C4orf51: variants seen among roughly 807,000 people sequenced by gnomAD.
C4orf51 encodes chromosome 4 open reading frame 51.
C4orf51 carries 25 observed loss-of-function variants against 25.2 expected under a neutral mutation model. The observed-to-expected ratio is 0.99, with a 90% CI of 0.72 to 1.39. The LOEUF (loss-of-function observed/expected upper bound fraction) is 1.39. Among genes scored for constraint, C4orf51 ranks in the 40% most tolerant of loss-of-function variants. C4orf51 has a pLI of 0.00. For synonymous variants in C4orf51, 100 were observed against 84.5 expected, an observed-to-expected ratio of 1.18 and a Z score of -1.01; for missense variants, 252 against 239.6, an observed-to-expected ratio of 1.05 and a Z score of -0.34.
Position 145,748,277 on chromosome 4 carries a change from C to CT in C4orf51, n.168-5923dup, listed in dbSNP as rs532706110. On this transcript the variant is annotated intron_variant and non_coding_transcript_variant, in intron 1 of 1. Transcript: ENST00000508981. ...GCTTTTATTTATTTGGATCACCTCT[C>CT]TTTTTTTCTTAGCTAGTCTGGTTAA... Among the ~76,000 whole-genome samples the CT allele has an allele frequency of 2.0e-5, 3 of 152,076 alleles. No homozygotes were observed. In the South Asian group the frequency reaches 6.2e-4, roughly 32 times the overall value.
intron 3 of C4orf51, among the ~76,000 whole-genome samples, chr4:145,728,042 A>G (rs1732204122): frequency 2.4e-5 from 3 of 126,142 alleles, no homozygotes; most frequent in Non-Finnish European, 3.2e-5. Context: ...TATATAATAT[A>G]TATATACACA....
At chr4:145,764,904 C>T in intron 1 of C4orf51, 1 of 1,599,190 alleles carries the variant, frequency 6.3e-7, no homozygotes, top group Non-Finnish European at 8.6e-7. Flanking sequence ...ACTCCCAAAA[C>T]CTTCACGGGA....
rs764471956 is a variant in C4orf51, at chr4:145,765,751, C to G, written n.167-5237C>G. 1.9e-6 allele frequency: 3 copies of G among 1,610,810 alleles called. No homozygotes were observed. The East Asian group carries it at 6.7e-5, about 36-fold the overall frequency. On this transcript the variant is annotated intron_variant and non_coding_transcript_variant, in intron 1 of 1. Coordinates refer to the C4orf51 transcript ENST00000510096. This position sits in a 1 kb window ranked among gnomAD's most constrained non-coding sequence, Gnocchi z 4.7. ...TTCCTGTCTTCCCCTGAAAAATAAG[C>G]AAATAACCCAGTCTGTTAATGAGAT...
At chr4:145,691,983 G>T in intron 1 of C4orf51, among the ~76,000 whole-genome samples, 1 of 84,594 alleles carries the variant, frequency 1.2e-5, no homozygotes, top group African/African-American at 6.8e-5. Context: ...CAGCTGATAG[G>T]AATGTAAGTT....
Position 145,763,227 on chromosome 4 carries a change from A to T in C4orf51, n.167-7761A>T. On this transcript the variant is annotated intron_variant and non_coding_transcript_variant, in intron 1 of 1. Transcript: ENST00000510096. The surrounding 1 kb of genome is among the most constrained non-coding windows in gnomAD (Gnocchi z 4.6). ...ACAGAAAAGCAATTTAGACATCAGC[A>T]GTCTGTTTCATTTTAAGGACATTTC... 1.8e-6 allele frequency: 2 copies of T among 1,138,236 alleles called. No homozygotes were observed. The highest frequency in any genetic ancestry group is 3.0e-5 in the South Asian group (2 of 67,686). The allele number at this position is 1,138,236 out of a possible 1,614,324, so 70.5% of individuals were successfully genotyped here. A position where few individuals can be genotyped will look rare whatever the true frequency, so the allele number is the denominator to read the frequency against.
chr4:145,756,513 C>T (rs1275976599), downstream of C4orf51, among the ~76,000 whole-genome samples: 1 of 152,134 alleles, frequency 6.6e-6, no homozygotes, highest in Non-Finnish European at 1.5e-5. Context: ...ACTGAAGGCC[C>T]ATTTCTGGGG....
At chr4:145,718,741 ACACCTTCTCC>A (rs1393523605) in intron 2 of C4orf51, among the ~76,000 whole-genome samples, 1 of 152,192 alleles carries the variant, frequency 6.6e-6, no homozygotes, top group Non-Finnish European at 1.5e-5. Context: ...GTCTCATTTC[ACACCTTCTCC>A]CACCTTTGCT....
At chr4:145,680,972 T>G (rs1272392991) in intron 1 of C4orf51, among the ~76,000 whole-genome samples, 1 of 152,088 alleles carries the variant, frequency 6.6e-6, no homozygotes, top group Non-Finnish European at 1.5e-5. Flanking sequence ...GTAAGGAGAT[T>G]TTGTGGGTGT....
At chr4:145,784,620 A>G in the C4orf51 span, among the ~76,000 whole-genome samples, 1 of 152,232 alleles carries the variant, frequency 6.6e-6, no homozygotes, top group Admixed American at 6.5e-5. Context: ...CTTTAAAAAA[A>G]CTTTTTATGA....
At position 145,732,576 on chromosome 4, in the gene C4orf51, C is replaced by T. The variant is rs1553967566; in HGVS notation, c.*16C>T. 3.8e-6 allele frequency: 6 copies of T among 1,577,216 alleles called. No homozygotes were observed. The highest frequency in any genetic ancestry group is 5.2e-6 in the Non-Finnish European group (6 of 1,151,634). On this transcript the variant is annotated 3_prime_UTR_variant, in exon 6 of 6. Coordinates refer to ENST00000438731, the MANE Select transcript of C4orf51 (RefSeq NM_001080531.3). ...ATTTAACTGAGTTGGAAAATGAAGC[C>T]ACAAGGCTGGAGGCGTGGAGTTTGC...
intron 2 of C4orf51, among the ~76,000 whole-genome samples, chr4:145,705,826 T>G (rs976621983): frequency 6.6e-6 from 1 of 152,124 alleles, no homozygotes; most frequent in African/African-American, 2.4e-5. Flanking sequence ...ATTAGAAGAA[T>G]GCCAAGCCAA....
chr4:145,755,740 T>C (rs1245303452), downstream of C4orf51, among the ~76,000 whole-genome samples: 5 of 152,344 alleles, frequency 3.3e-5, no homozygotes, highest in African/African-American at 9.6e-5. Flanking sequence ...TAGTTAATTG[T>C]AGTTATTCCC....
chr4:145,733,411 G>T (rs992103459), downstream of C4orf51, among the ~76,000 whole-genome samples: 1 of 152,192 alleles, frequency 6.6e-6, no homozygotes, highest in Non-Finnish European at 1.5e-5. Context: ...GACCTGGGGC[G>T]CGGGAAGGAG....
chr4:145,718,254 C>T (rs550881732), intron 2 of C4orf51, among the ~76,000 whole-genome samples: 4 of 152,212 alleles, frequency 2.6e-5, no homozygotes, highest in Non-Finnish European at 5.9e-5. Context: ...GATATGAAAA[C>T]GTGTGAGATA....
the C4orf51 span, among the ~76,000 whole-genome samples, chr4:145,792,376 A>G: frequency 1.4e-5 from 2 of 138,020 alleles, no homozygotes; most frequent in South Asian, 2.2e-4. Context: ...TTGTCATAAG[A>G]AAAAAAAAAA....
rs1734436771 is a variant in C4orf51, at chr4:145,761,174, C to T, written n.167-9814C>T. 3 of 1,289,862 alleles carry T rather than the reference C, an allele frequency of 2.3e-6. No individual in the cohort carries two copies. Among genetic ancestry groups the T allele is most frequent in the African/African-American group, 3.0e-5 (2 of 66,002 alleles). The allele number at this position is 1,289,862 out of a possible 1,614,324, so 79.9% of individuals were successfully genotyped here. A position where few individuals can be genotyped will look rare whatever the true frequency, so the allele number is the denominator to read the frequency against. ...GGGGCTGGACACAGGCCCTTCTTGTCCTCCTCGGGGCAGTCCCCACTCTGG... is the reference window on the plus strand; with the variant it reads ...GGGGCTGGACACAGGCCCTTCTTGTTCTCCTCGGGGCAGTCCCCACTCTGG... On this transcript the variant is annotated intron_variant and non_coding_transcript_variant, in intron 1 of 1. Coordinates refer to the C4orf51 transcript ENST00000510096. This position sits in a 1 kb window ranked among gnomAD's most constrained non-coding sequence, Gnocchi z 6.8.
chr4:145,770,291 C>A, intron 1 of C4orf51, among the ~76,000 whole-genome samples: 1 of 147,548 alleles, frequency 6.8e-6, no homozygotes, highest in African/African-American at 2.5e-5. Flanking sequence ...AGAGTGAGAC[C>A]CTGTCTTAAA....
At chr4:145,721,156 C>T (rs991799782) in intron 2 of C4orf51, among the ~76,000 whole-genome samples, 1 of 151,478 alleles carries the variant, frequency 6.6e-6, no homozygotes, top group Non-Finnish European at 1.5e-5. Flanking sequence ...ACCAGCCTGG[C>T]CAATATGGTG....
At position 145,680,334 on chromosome 4, in the gene C4orf51, C is replaced by T. The variant is rs1255532418; in HGVS notation, c.131C>T (p.Ser44Phe). 3 of 1,613,994 alleles carry T rather than the reference C, an allele frequency of 1.9e-6. No homozygotes were observed. Among genetic ancestry groups the T allele is most frequent in the East Asian group, 4.5e-5 (2 of 44,886 alleles). ...GATGAAACACGATGGTCAGATTCTT[C>T]CGTGACAACATACACAGGCAGTTAC... is the stretch of plus-strand genomic sequence containing the variant. ...WQDETRWSDS[S>F]VTTYTGSYRK... The change falls in exon 1 of 6, where the codon TCC becomes TTC. Residue 44 changes from serine to phenylalanine, a missense_variant. Coordinates refer to ENST00000438731, the MANE Select transcript of C4orf51 (RefSeq NM_001080531.3).
Sources: allele counts gnomAD v4.1 joint callset (sites outside exome capture counted in the v4.1 genomes callset), GRCh38; gene constraint gnomAD v4.1.1; non-coding constraint Gnocchi (gnomAD v3.1); transcripts MANE v1.5; gene names NCBI Gene and HGNC (gene_info 2026-07-23, HGNC 2026-07-21).